Variants in PCCA observed in about 807,000 individuals in gnomAD.
PCCA encodes the protein propionyl-CoA carboxylase alpha chain, mitochondrial.
A neutral mutation model predicts 101.3 loss-of-function variants in PCCA; 74 were observed. That is an observed-to-expected ratio of 0.73 (90% CI 0.61 to 0.89). The LOEUF (loss-of-function observed/expected upper bound fraction) is 0.89. Among genes scored for constraint, PCCA ranks in the 40% least tolerant of loss-of-function variants. The probability of loss-of-function intolerance (pLI) is 0.00; values close to 1 mark genes in which losing one functional copy is unlikely to be tolerated. For synonymous variants in PCCA, 294 were observed against 313.6 expected, an observed-to-expected ratio of 0.94 and a Z score of 0.66; for missense variants, 891 against 907.0, an observed-to-expected ratio of 0.98 and a Z score of 0.23.
intron 16 of PCCA, among the ~76,000 whole-genome samples, chr13:100,320,651 A>C (rs1293975821): frequency 1.3e-5 from 2 of 152,216 alleles, no homozygotes; most frequent in Non-Finnish European, 2.9e-5. Context: ...ATGTTGAACC[A>C]GCCTTGCATC....
At chr13:100,320,067 T>G (rs1308852796) in intron 16 of PCCA, among the ~76,000 whole-genome samples, 3 of 152,208 alleles carry the variant, frequency 2.0e-5, no homozygotes, top group African/African-American at 4.8e-5. Context: ...GATTCCTAGG[T>G]ATTTTATTCT....
chr13:100,128,451 A>T (rs1231494582), intron 4 of PCCA, among the ~76,000 whole-genome samples: 1 of 152,104 alleles, frequency 6.6e-6, no homozygotes, highest in African/African-American at 2.4e-5. Context: ...AATAATTACA[A>T]ATTGTGATAA....
chr13:100,375,499 A>G (rs1474719089), intron 19 of PCCA, among the ~76,000 whole-genome samples: 1 of 152,166 alleles, frequency 6.6e-6, no homozygotes, highest in South Asian at 2.1e-4. Flanking sequence ...ATGGGAGTCT[A>G]AGTCTCTTTT....
At chr13:100,397,521 G>T (rs2077107880) in intron 19 of PCCA, among the ~76,000 whole-genome samples, 1 of 152,082 alleles carries the variant, frequency 6.6e-6, no homozygotes, top group Admixed American at 6.5e-5. Context: ...TCATAATCTG[G>T]ATATTACCAC....
intron 21 of PCCA, among the ~76,000 whole-genome samples, chr13:100,492,065 T>C (rs975072695): frequency 6.6e-6 from 1 of 151,960 alleles, no homozygotes; most frequent in African/African-American, 2.4e-5. Flanking sequence ...TGGTTCAATA[T>C]GACTTTTAGA....
intron 4 of PCCA, among the ~76,000 whole-genome samples, chr13:100,117,891 C>T (rs1344401185): frequency 6.6e-6 from 1 of 151,600 alleles, no homozygotes; most frequent in Non-Finnish European, 1.5e-5. Flanking sequence ...CTGAGGCGGG[C>T]AGATCATGAG....
intron 21 of PCCA, among the ~76,000 whole-genome samples, chr13:100,478,266 C>T (rs996342254): frequency 3.9e-5 from 6 of 152,266 alleles, no homozygotes; most frequent in African/African-American, 9.6e-5. Context: ...AGCGGTCTGT[C>T]GCCATTGTGG....
chr13:100,285,621 G>T (rs1429144853), intron 12 of PCCA, among the ~76,000 whole-genome samples: 1 of 152,132 alleles, frequency 6.6e-6, no homozygotes, highest in Non-Finnish European at 1.5e-5. Flanking sequence ...CTATCAGACA[G>T]CCACCTACTT....
chr13:100,245,197 AAT>A (rs1362605749), intron 8 of PCCA, among the ~76,000 whole-genome samples: 1 of 152,180 alleles, frequency 6.6e-6, no homozygotes, highest in African/African-American at 2.4e-5. Flanking sequence ...TCAAATAAAA[AAT>A]GAGTAATGCA....
chr13:100,155,175 A>T lies in PCCA; in HGVS notation c.414+83A>T, dbSNP rs1594415478. 3.1e-5 allele frequency: 28 copies of T among 898,368 alleles called. No homozygotes were observed. In the East Asian group the frequency reaches 7.3e-4, roughly 23 times the overall value. 55.6% of individuals were successfully genotyped at this position (898,368 alleles called of 1,614,324 possible). On this transcript the variant is annotated intron_variant, in intron 5 of 23. Coordinates refer to ENST00000376285, the MANE Select transcript of PCCA (RefSeq NM_000282.4). Reference sequence around the variant, plus strand: ...AGAGTTTGTATTTAAAAAAAAAAATAGGAAAGAATGATTGAAAATGCTGTT... The same window carrying T: ...AGAGTTTGTATTTAAAAAAAAAAATTGGAAAGAATGATTGAAAATGCTGTT...
At chr13:100,155,791 C>T (rs1055227979) in intron 5 of PCCA, among the ~76,000 whole-genome samples, 30 of 152,056 alleles carry the variant, frequency 2.0e-4, no homozygotes, top group Non-Finnish European at 4.3e-4. Flanking sequence ...AAGCCTGGAG[C>T]GCTTCAATTA....
chr13:100,529,576 G>A (rs1260255599), intron 23 of PCCA, among the ~76,000 whole-genome samples: 1 of 152,178 alleles, frequency 6.6e-6, no homozygotes, highest in Non-Finnish European at 1.5e-5. Context: ...AGCCCCACCT[G>A]CCAAGGACTC....
chr13:100,428,352 AC>A (rs1163065858), intron 20 of PCCA, among the ~76,000 whole-genome samples: 238 of 13,150 alleles, frequency 0.018, 2 homozygotes, highest in African/African-American at 0.053. Context: ...CCCCACCCCC[AC>A]CCCCCCCACA....
At chr13:100,240,742 A>G (rs1332666469) in intron 8 of PCCA, among the ~76,000 whole-genome samples, 1 of 152,196 alleles carries the variant, frequency 6.6e-6, no homozygotes, top group Non-Finnish European at 1.5e-5. Flanking sequence ...ATCTGTTCAT[A>G]TACTAATCCA....
At chr13:100,477,100 CA>C (rs1351995568) in intron 21 of PCCA, among the ~76,000 whole-genome samples, 5 of 152,184 alleles carry the variant, frequency 3.3e-5, no homozygotes, top group African/African-American at 4.8e-5. Flanking sequence ...GCTTTAAAGT[CA>C]AGTGCATACT....
intron 20 of PCCA, among the ~76,000 whole-genome samples, chr13:100,432,659 G>A (rs2079637935): frequency 6.6e-6 from 1 of 152,182 alleles, no homozygotes; most frequent in Non-Finnish European, 1.5e-5. Context: ...GAATATTAAT[G>A]TGTCCTCATA....
intron 21 of PCCA, among the ~76,000 whole-genome samples, chr13:100,468,635 C>G (rs1415283956): frequency 6.6e-6 from 1 of 152,194 alleles, no homozygotes; most frequent in East Asian, 1.9e-4. Context: ...CCTCGCCTCT[C>G]TCATCCTGTG....
intron 4 of PCCA, among the ~76,000 whole-genome samples, chr13:100,148,017 G>C (rs998994435): frequency 6.6e-6 from 1 of 152,076 alleles, no homozygotes; most frequent in African/African-American, 2.4e-5. Flanking sequence ...TCCTGGGCTT[G>C]AGTGATCCTC....
chr13:100,262,960 A>T (rs924176164), intron 10 of PCCA, 129 bp downstream of exon 10: 1 of 608,144 alleles, frequency 1.6e-6, no homozygotes, highest in Non-Finnish European at 2.9e-6. Flanking sequence ...ACTTTCCGTT[A>T]AAGTGCTAGG....
Sources: allele counts gnomAD v4.1 joint callset (sites outside exome capture counted in the v4.1 genomes callset), GRCh38; gene constraint gnomAD v4.1.1; transcripts MANE v1.5; gene names NCBI Gene and HGNC (gene_info 2026-07-23, HGNC 2026-07-21).